The following HOXA3 variants were observed in gnomAD, a reference collection of about 807,000 sequenced individuals.
The protein encoded by HOXA3 is homeobox protein Hox-A3.
Under a neutral mutation model 30.3 loss-of-function variants are expected in HOXA3, and 8 were observed. That is an observed-to-expected ratio of 0.26 (90% CI 0.15 to 0.48). HOXA3 has a LOEUF of 0.48. Ranked by LOEUF, HOXA3 falls within the 20% of genes least tolerant of loss-of-function variation. The pLI is 0.99. For missense variants in HOXA3, 653 were observed against 614.4 expected, an observed-to-expected ratio of 1.06 and a Z score of -0.66; for synonymous variants, 323 against 273.1, an observed-to-expected ratio of 1.18 and a Z score of -1.80.
intron 4 of HOXA3, among the ~76,000 whole-genome samples, chr7:27,114,567 C>G (rs1467223730): frequency 6.6e-6 from 1 of 151,334 alleles, no homozygotes; most frequent in Non-Finnish European, 1.5e-5. Flanking sequence ...GAAAAATGTC[C>G]TGGGAGAGAC....
At chr7:27,117,843 G>C (rs1333986643) in intron 4 of HOXA3, among the ~76,000 whole-genome samples, 1 of 151,994 alleles carries the variant, frequency 6.6e-6, no homozygotes, top group Non-Finnish European at 1.5e-5. Context: ...TTCCGCCTGG[G>C]GATCAGCTCC....
At chr7:27,118,241 C>A (rs1483854631) in intron 4 of HOXA3, among the ~76,000 whole-genome samples, 1 of 152,150 alleles carries the variant, frequency 6.6e-6, no homozygotes, top group Non-Finnish European at 1.5e-5. Context: ...GCAATCGGCT[C>A]AGAGAGCGCT....
chr7:27,110,295 G>C lies in HOXA3; in HGVS notation c.346C>G (p.Pro116Ala), dbSNP rs748707785. ...GAAGAGGGAGGCGGGGGCGCGGCAG[G>C]GGTAGGTGCAGGGGGCTGAGGTGCG... ...QPAPQPPAPT[P>A]AAPPPPSSAS... The change falls in exon 5 of 6, where the codon CCT becomes GCT. Residue 116 changes from proline (P) to alanine (A), a missense_variant. Transcript: ENST00000612286. 3 of 1,591,258 alleles carry C rather than the reference G, an allele frequency of 1.9e-6. No individual in the cohort carries two copies. The highest frequency in any genetic ancestry group is 2.2e-5 in the East Asian group (1 of 44,712).
chr7:27,119,062 CA>C (rs1784880233), intron 4 of HOXA3, among the ~76,000 whole-genome samples: 1 of 151,594 alleles, frequency 6.6e-6, no homozygotes, highest in Non-Finnish European at 1.5e-5. Flanking sequence ...AGCATTTCCT[CA>C]GTGCACAACT....
chr7:27,152,465 C>CTCCAG lies in HOXA3; in HGVS notation c.-672_-671insCTGGA. The CTCCAG allele has an allele frequency of 4.7e-6, 5 of 1,057,742 alleles. No individual in the cohort carries two copies. The highest frequency in any genetic ancestry group is 5.9e-6 in the Non-Finnish European group (5 of 852,038). The allele number at this position is 1,057,742 out of a possible 1,614,324, so 65.5% of individuals were successfully genotyped here. A position where few individuals can be genotyped will look rare whatever the true frequency, so the allele number is the denominator to read the frequency against. Reference sequence around the variant, plus strand: ...AGCGCGCCCAATCTCCAGCGGGAGCCGCCAGGCCTGGCCTGGCCGGGGCTT... The same window carrying CTCCAG: ...AGCGCGCCCAATCTCCAGCGGGAGCCTCCAGGCCAGGCCTGGCCTGGCCGGGGCTT... On this transcript the variant is annotated 5_prime_UTR_variant, in exon 1 of 6. An upstream open reading frame in the 5' UTR loses its in-frame stop. Coordinates refer to ENST00000612286, the MANE Select transcript of HOXA3 (RefSeq NM_153631.3).
intron 1 of HOXA3, chr7:27,141,550 T>C (rs1782570245): frequency 3.6e-6 from 1 of 280,286 alleles, no homozygotes; most frequent in African/African-American, 2.2e-5. Context: ...TTTCTTTTTT[T>C]GTTATAGTTA....
rs1801085 is a variant in HOXA3 at position 27,128,971 on chromosome 7, A to G, written c.-389-1901T>C. 66,877 of 562,430 alleles carry G rather than the reference A, an allele frequency of 0.12. 5,408 individuals are homozygous for G. The highest frequency in any genetic ancestry group is 0.3 in the African/African-American group (15,881 of 53,216). The allele number at this position is 562,430 out of a possible 1,614,324, so 34.8% of individuals were successfully genotyped here. Reference sequence around the variant, plus strand: ...ACCAAGTAGTCCTTCTCAGGTATCCACACCTGGCAGCCTTGTTTCGGGCCA... The same window carrying G: ...ACCAAGTAGTCCTTCTCAGGTATCCGCACCTGGCAGCCTTGTTTCGGGCCA... On this transcript the variant is annotated intron_variant, in intron 2 of 5. Coordinates refer to ENST00000612286, the MANE Select transcript of HOXA3 (RefSeq NM_153631.3).
At position 27,110,308 on chromosome 7, in the gene HOXA3, G is replaced by A. The variant is rs1413268327; in HGVS notation, c.333C>T (p.Pro111=). The stretch of plus-strand genomic sequence containing the variant: ...GGGGCGCGGCAGGGGTAGGTGCAGG[G>A]GGCTGAGGTGCGGGCTGAGGCGGCT... ...APQPPQPAPQ[P]PAPTPAAPPP... The change falls in exon 5 of 6, where the codon CCC becomes CCT. Residue 111 remains proline (P), a synonymous_variant. Transcript: ENST00000612286. The A allele has an allele frequency of 6.4e-7, 1 of 1,563,420 alleles. No homozygotes were observed.
Position 27,130,425 on chromosome 7 carries a change from G to A in HOXA3, c.-389-3355C>T, listed in dbSNP as rs770845622. The A allele has an allele frequency of 1.2e-4, 138 of 1,182,410 alleles. 3 individuals are homozygous for A. In the South Asian group the frequency reaches 2.9e-3, roughly 25 times the overall value. The allele number at this position is 1,182,410 out of a possible 1,614,324, so 73.2% of individuals were successfully genotyped here. On this transcript the variant is annotated intron_variant, in intron 2 of 5. Coordinates refer to ENST00000612286, the MANE Select transcript of HOXA3 (RefSeq NM_153631.3). ...GCCCGGGGCTGGCGCCGCCGCGGTA[G>A]CCATAGGGGTAGGCGGTGTCCGCGG...
intron 1 of HOXA3, chr7:27,143,203 G>C: frequency 6.2e-7 from 1 of 1,611,002 alleles, no homozygotes; most frequent in Non-Finnish European, 8.5e-7. Context: ...TGCTGATGTG[G>C]GTGCTGCCGG....
intron 2 of HOXA3, among the ~76,000 whole-genome samples, chr7:27,138,678 G>T (rs962608299): frequency 6.6e-6 from 1 of 152,210 alleles, no homozygotes; most frequent in African/African-American, 2.4e-5. Flanking sequence ...GTTGGGGCCA[G>T]AAGGGGTGAC....
intron 1 of HOXA3, chr7:27,141,416 A>G (rs1381760801): frequency 6.1e-6 from 1 of 163,852 alleles, no homozygotes; most frequent in African/African-American, 2.4e-5. Flanking sequence ...TATCTTTAAC[A>G]GCTTGGAGCT....
chr7:27,112,508 T>C (rs902597195), intron 4 of HOXA3, among the ~76,000 whole-genome samples: 6 of 152,246 alleles, frequency 3.9e-5, no homozygotes, highest in Non-Finnish European at 7.3e-5. Context: ...TCCAGAGTTA[T>C]TGTCAGTGAT....
intron 1 of HOXA3, chr7:27,145,266 C>A (rs1782710575): frequency 9.0e-6 from 2 of 221,370 alleles, no homozygotes; most frequent in Non-Finnish European, 1.8e-5. Context: ...CGGCCCAGGG[C>A]TCTTTCCTCC....
chr7:27,144,158 CCCT>C (rs1782672765), intron 1 of HOXA3, among the ~76,000 whole-genome samples: 2 of 152,210 alleles, frequency 1.3e-5, no homozygotes, highest in Admixed American at 6.5e-5. Flanking sequence ...GTTTTGCAGC[CCCT>C]CTTATTTTTG....
In HOXA3 at chr7:27,108,720, C is replaced by T; in HGVS notation, c.527G>A (p.Gly176Asp). 1 of 1,591,232 alleles carries T rather than the reference C, an allele frequency of 6.3e-7. No homozygotes were observed. Among genetic ancestry groups the T allele is most frequent in the Non-Finnish European group, 8.6e-7 (1 of 1,166,594 alleles). ...TKQKTSSSSS[G>D]ESCAGDKSPP... ...GCTCTTGTCGCCAGCGCAGCTTTCG[C>T]CTGCGAGGACAGAGAGAGGAAGAGC... Residue 176 changes from glycine to aspartate, a missense_variant and splice_region_variant, in exon 6 of 6, where the codon GGC becomes GAC. By Grantham distance (94) the Gly-to-Asp change is moderately conservative. This residue lies in a region of HOXA3 where 320 missense variants were observed against 321.9 expected (regional missense o/e 0.99). Coordinates refer to ENST00000612286, the MANE Select transcript of HOXA3 (RefSeq NM_153631.3). The surrounding 1 kb of genome is among the most constrained non-coding windows in gnomAD (Gnocchi z 5.0).
At chr7:27,116,188 T>G (rs949207089) in intron 4 of HOXA3, 1 of 152,634 alleles carries the variant, frequency 6.6e-6, no homozygotes, top group Non-Finnish European at 1.5e-5. Context: ...CGATCTCTCA[T>G]CCAGGGGGAC....
intron 2 of HOXA3, among the ~76,000 whole-genome samples, chr7:27,127,808 A>G (rs912891317): frequency 1.3e-5 from 2 of 151,926 alleles, no homozygotes; most frequent in African/African-American, 4.8e-5. Context: ...CCAGCAGTAA[A>G]CTCTCCCAGG....
rs777978952 is a variant in HOXA3 at position 27,110,309 on chromosome 7, G to C, written c.332C>G (p.Pro111Arg). ...APQPPQPAPQPPAPTPAAPPP... is the reference protein window; with the variant it reads ...APQPPQPAPQRPAPTPAAPPP... ...GGGCGCGGCAGGGGTAGGTGCAGGG[G>C]GCTGAGGTGCGGGCTGAGGCGGCTG... Residue 111 changes from proline (P) to arginine (R), a missense_variant, in exon 5 of 6, where the codon CCC becomes CGC. By Grantham distance (103) the Pro-to-Arg change is moderately radical (BLOSUM62 -2). Around this residue, in one of 3 missense-constraint regions of HOXA3, gnomAD observed 320 missense variants for 321.9 expected, o/e 0.99. Transcript: ENST00000612286. 1 of 1,562,794 alleles carries C rather than the reference G, an allele frequency of 6.4e-7. No individual in the cohort carries two copies. The highest frequency in any genetic ancestry group is 1.8e-5 in the Admixed American group (1 of 54,892).
Sources: allele counts gnomAD v4.1 joint callset (sites outside exome capture counted in the v4.1 genomes callset), GRCh38; gene constraint gnomAD v4.1.1; regional missense constraint gnomAD v4.1.1; non-coding constraint Gnocchi (gnomAD v3.1); transcripts MANE v1.5; gene names NCBI Gene and HGNC (gene_info 2026-07-23, HGNC 2026-07-21).